The following ADAM23 variants were observed in gnomAD, a reference collection of about 807,000 sequenced individuals.
The protein encoded by ADAM23 is ADAM metallopeptidase domain 23.
In ADAM23, 33 loss-of-function variants were observed where a neutral mutation model predicts 120.1. That is an observed-to-expected ratio of 0.27 (90% CI 0.21 to 0.37). The LOEUF (loss-of-function observed/expected upper bound fraction) is 0.37. Ranked by LOEUF, ADAM23 falls within the 10% of genes least tolerant of loss-of-function variation. ADAM23 has a pLI of 1.00. For synonymous variants in ADAM23, 367 were observed against 375.2 expected, an observed-to-expected ratio of 0.98 and a Z score of 0.25; for missense variants, 862 against 1,058.2, an observed-to-expected ratio of 0.81 and a Z score of 2.57.
chr2:206,566,060 C>G (rs1384285288), intron 14 of ADAM23, among the ~76,000 whole-genome samples: 7 of 151,812 alleles, frequency 4.6e-5, no homozygotes, highest in African/African-American at 1.7e-4. Context: ...TATGGCTTAA[C>G]CAGGCTTTTT....
intron 2 of ADAM23, among the ~76,000 whole-genome samples, chr2:206,461,379 T>A (rs866440482): frequency 6.6e-6 from 1 of 152,236 alleles, no homozygotes; most frequent in Middle Eastern, 3.4e-3. Flanking sequence ...TTTCCTTCTA[T>A]CTGTTTTTGC....
At chr2:206,527,569 A>G (rs576372994) in intron 3 of ADAM23, among the ~76,000 whole-genome samples, 8 of 152,352 alleles carry the variant, frequency 5.3e-5, no homozygotes, top group South Asian at 2.1e-4. Context: ...GAGGTGATCA[A>G]TCTTGCACAT....
intron 6 of ADAM23, among the ~76,000 whole-genome samples, chr2:206,545,557 GAACA>G (rs947495208): frequency 6.6e-6 from 1 of 152,122 alleles, no homozygotes; most frequent in African/African-American, 2.4e-5. Context: ...AATAAAAGCT[GAACA>G]GACAAACTTT....
chr2:206,587,130 G>A (rs1474045848), intron 18 of ADAM23, among the ~76,000 whole-genome samples, 195 bp from the exon 19 acceptor site: 2 of 152,176 alleles, frequency 1.3e-5, no homozygotes, highest in African/African-American at 4.8e-5. Context: ...TGCATGCACT[G>A]TGTGGCCCTT....
intron 18 of ADAM23, among the ~76,000 whole-genome samples, chr2:206,579,019 G>T (rs142739790): frequency 0.077 from 11,674 of 152,042 alleles, 573 homozygotes; most frequent in Admixed American, 0.14. Flanking sequence ...TCATATGTTT[G>T]TTGGCCATTT....
intron 2 of ADAM23, among the ~76,000 whole-genome samples, chr2:206,450,620 A>C (rs1212763781): frequency 6.6e-6 from 1 of 152,212 alleles, no homozygotes; most frequent in South Asian, 2.1e-4. Context: ...CATAAGTCAC[A>C]CTAACTATAT....
chr2:206,481,653 A>G (rs1347879629), intron 3 of ADAM23, among the ~76,000 whole-genome samples: 1 of 152,174 alleles, frequency 6.6e-6, no homozygotes, highest in African/African-American at 2.4e-5. Context: ...ACAGTCTAGA[A>G]ATTTCTTCCA....
At chr2:206,584,318 T>A (rs2105842582) in intron 18 of ADAM23, among the ~76,000 whole-genome samples, 1 of 152,332 alleles carries the variant, frequency 6.6e-6, no homozygotes, top group South Asian at 2.1e-4. Context: ...TAATGATCTA[T>A]TTTTGTGCTG....
At chr2:206,554,870 GTCTTAC>G (rs1430501977) in intron 9 of ADAM23, among the ~76,000 whole-genome samples, 1 of 152,058 alleles carries the variant, frequency 6.6e-6, no homozygotes, top group Non-Finnish European at 1.5e-5. Context: ...TTCTGTCCTT[GTCTTAC>G]TCTCTCAGCA....
chr2:206,581,634 G>T (rs1377741879), intron 18 of ADAM23, among the ~76,000 whole-genome samples: 1 of 152,076 alleles, frequency 6.6e-6, no homozygotes, highest in Non-Finnish European at 1.5e-5. Context: ...TTGTTTTATG[G>T]CCTATCATAT....
intron 3 of ADAM23, among the ~76,000 whole-genome samples, chr2:206,483,641 A>C (rs1695943690): frequency 1.3e-5 from 2 of 152,172 alleles, no homozygotes; most frequent in Non-Finnish European, 2.9e-5. Flanking sequence ...CAGAGTTTCA[A>C]AATGGGAAGG....
At chr2:206,554,461 ATACT>A (rs1309486749) in intron 9 of ADAM23, among the ~76,000 whole-genome samples, 3 of 152,234 alleles carry the variant, frequency 2.0e-5, no homozygotes, top group East Asian at 1.9e-4. Flanking sequence ...GTTTTGCTAC[ATACT>A]TAACTATGCG....
chr2:206,467,696 G>A (rs1044897457), intron 2 of ADAM23, among the ~76,000 whole-genome samples: 18 of 152,180 alleles, frequency 1.2e-4, no homozygotes, highest in Non-Finnish European at 2.1e-4. Context: ...GCTCAACTAG[G>A]CAGTACCCCA....
chr2:206,453,939 T>A (rs1695244926), intron 2 of ADAM23, among the ~76,000 whole-genome samples: 1 of 152,238 alleles, frequency 6.6e-6, no homozygotes, highest in African/African-American at 2.4e-5. Context: ...GAAAGATGTT[T>A]GTTACCAAGA....
At chr2:206,474,077 T>A (rs1450182845) in intron 2 of ADAM23, among the ~76,000 whole-genome samples, 1 of 151,742 alleles carries the variant, frequency 6.6e-6, no homozygotes, top group Non-Finnish European at 1.5e-5. Context: ...TAATCTGCTC[T>A]AGTATCTTAC....
At chr2:206,566,487 C>T (rs1697884219) in intron 14 of ADAM23, among the ~76,000 whole-genome samples, 2 of 150,198 alleles carry the variant, frequency 1.3e-5, no homozygotes, top group Non-Finnish European at 1.5e-5. Flanking sequence ...GTTTAACTAA[C>T]CATGTGTATA....
At chr2:206,600,919 A>G (rs1484794173) in intron 24 of ADAM23, among the ~76,000 whole-genome samples, 2 of 152,086 alleles carry the variant, frequency 1.3e-5, no homozygotes, top group Admixed American at 1.3e-4. Context: ...ACATGCAAAA[A>G]CCCTTTCTTA....
intron 4 of ADAM23, among the ~76,000 whole-genome samples, chr2:206,536,669 T>C (rs1697182917): frequency 6.6e-6 from 1 of 152,206 alleles, no homozygotes. Flanking sequence ...ATAATTTCAC[T>C]ATGTATATCA....
Position 206,543,235 on chromosome 2 carries a change from T to G in ADAM23, c.657-18T>G. The G allele has an allele frequency of 1.9e-6, 3 of 1,612,176 alleles. No homozygotes were observed. Among genetic ancestry groups the G allele is most frequent in the Non-Finnish European group, 2.5e-6 (3 of 1,178,534 alleles). On this transcript the variant is annotated intron_variant, in intron 5 of 25. Transcript: ENST00000264377. ...GTGTTTGTTTATTCCCTCCTTTGTG[T>G]GGTTTCTTTTGTGCTAGTGGCATGT...
Sources: allele counts gnomAD v4.1 joint callset (sites outside exome capture counted in the v4.1 genomes callset), GRCh38; gene constraint gnomAD v4.1.1; transcripts MANE v1.5; gene names NCBI Gene and HGNC (gene_info 2026-07-23, HGNC 2026-07-21).